The following PLA2G4C variants were observed in gnomAD, a reference collection of about 807,000 sequenced individuals.
PLA2G4C encodes phospholipase A2 group IVC.
In PLA2G4C, 64 loss-of-function variants were observed where a neutral mutation model predicts 73.8. The observed-to-expected ratio is 0.87, with a 90% CI of 0.71 to 1.07. PLA2G4C has a LOEUF of 1.07. Among genes scored for constraint, PLA2G4C ranks in the 50% least tolerant of loss-of-function variants. PLA2G4C has a pLI of 0.00. For missense variants in PLA2G4C, 622 were observed against 665.4 expected (o/e 0.93, Z 0.72); for synonymous variants, 254 against 252.1 (o/e 1.01, Z -0.07).
Position 48,077,780 on chromosome 19 carries a change from G to A in PLA2G4C, c.889C>T (p.Pro297Ser). ...LQESSQGEHP[P>S]PEDEGGEPEH... is the part of the protein sequence containing the mutation. Reference sequence around the variant, plus strand: ...AAAGTAGGATGCTTACCTTCTGGGGGAGGATGTTCCCCTTGTGAACTTTCT... The same window carrying A: ...AAAGTAGGATGCTTACCTTCTGGGGAAGGATGTTCCCCTTGTGAACTTTCT... Residue 297 changes from proline to serine, a missense_variant, in exon 11 of 17, where the codon CCC (proline) becomes TCC (serine). By Grantham distance (74) the Pro-to-Ser change is moderately conservative. Transcript: ENST00000599921. 6.2e-7 allele frequency: 1 copy of A among 1,605,502 alleles called. No homozygotes were observed. Among genetic ancestry groups the A allele is most frequent in the Non-Finnish European group, 8.5e-7 (1 of 1,175,650 alleles).
At chr19:48,094,867 G>GT (rs989199871) in intron 7 of PLA2G4C, among the ~76,000 whole-genome samples, 3 of 148,098 alleles carry the variant, frequency 2.0e-5, no homozygotes, top group Non-Finnish European at 2.9e-5. Context: ...ACACATTCTA[G>GT]TTTTTTGTTT....
chr19:48,084,691 T>C (rs191926306), intron 10 of PLA2G4C, among the ~76,000 whole-genome samples: 3 of 152,358 alleles, frequency 2.0e-5, no homozygotes, highest in Admixed American at 6.5e-5. Flanking sequence ...TGCCTTTATC[T>C]ACCAGACACT....
chr19:48,067,586 G>A (rs1228317254), intron 13 of PLA2G4C, among the ~76,000 whole-genome samples: 2 of 152,122 alleles, frequency 1.3e-5, no homozygotes, highest in African/African-American at 2.4e-5. Context: ...ACTGGGACTC[G>A]CAGCGAGGCC....
At chr19:48,090,634 C>G in intron 7 of PLA2G4C, 1 of 549,896 alleles carries the variant, frequency 1.8e-6, no homozygotes, top group Non-Finnish European at 3.3e-6. Flanking sequence ...AGATAAAGTC[C>G]TTGTCCTCAC....
At chr19:48,096,321 G>A (rs138809362) in intron 6 of PLA2G4C, among the ~76,000 whole-genome samples, 5,024 of 152,202 alleles carry the variant, frequency 0.033, 114 homozygotes, top group Middle Eastern at 0.044. Context: ...GGTGGCTCAC[G>A]TCTGTAATCC....
At chr19:48,076,058 G>T (rs986045826) in intron 11 of PLA2G4C, among the ~76,000 whole-genome samples, 1 of 152,224 alleles carries the variant, frequency 6.6e-6, no homozygotes, top group Non-Finnish European at 1.5e-5. Context: ...TGGGCTTCCA[G>T]CCTCCAGAAC....
chr19:48,092,381 T>C (rs540692605), intron 7 of PLA2G4C, among the ~76,000 whole-genome samples: 20 of 152,276 alleles, frequency 1.3e-4, no homozygotes, highest in African/African-American at 4.8e-4. Context: ...ACCACATACA[T>C]GATCCAGCAA....
rs774866157 is a variant in PLA2G4C at position 48,104,594 on chromosome 19, G to T, written c.251C>A (p.Ser84Tyr). Residue 84 changes from serine to tyrosine, a missense_variant, in exon 4 of 17, where the codon TCC (serine) becomes TAC (tyrosine). Coordinates refer to ENST00000599921, the MANE Select transcript of PLA2G4C (RefSeq NM_003706.3). ...AAACATGAGTGATGCTTACCAAGTGGATCCAGAGACCCCTGCGAGGTACGT... is the reference window on the plus strand; with the variant it reads ...AAACATGAGTGATGCTTACCAAGTGTATCCAGAGACCCCTGCGAGGTACGT... ...AVTYLAGVSG[S>Y]TWAISSLYTN... The T allele has an allele frequency of 6.2e-6, 10 of 1,613,844 alleles. No homozygotes were observed. Among genetic ancestry groups the T allele is most frequent in the Admixed American group, 5.0e-5 (3 of 59,972 alleles).
At position 48,067,698 on chromosome 19, in the gene PLA2G4C, A is replaced by G. The variant is rs11564621; in HGVS notation, c.1102+93T>C. ...CCCTCCAAAGCTCTGGGGAAGGACC[A>G]GCCTGGGATTGTTTCAGGCCCACCC... On this transcript the variant is annotated intron_variant, in intron 13 of 16. Transcript: ENST00000599921. 5,738 of 847,704 alleles carry G rather than the reference A, an allele frequency of 6.8e-3. 252 individuals are homozygous for G. The East Asian group carries it at 0.099, about 15-fold the overall frequency. The allele number at this position is 847,704 out of a possible 1,614,324, so 52.5% of individuals were successfully genotyped here. A position where few individuals can be genotyped will look rare whatever the true frequency, so the allele number is the denominator to read the frequency against.
In PLA2G4C at chr19:48,054,366, C is replaced by T. The variant is rs11564647; in HGVS notation, c.1429+512G>A. 6.6e-5 allele frequency among the ~76,000 whole-genome samples: 10 copies of T among 152,004 alleles called. No individual in the cohort carries two copies. The East Asian group carries it at 1.5e-3, about 23-fold the overall frequency. ...GTCCCCAGGCTGGAGTGCAGGAGCG[C>T]GATCTCAGCTCACTGCAACCTCCGC... On this transcript the variant is annotated intron_variant, in intron 15 of 16. Coordinates refer to ENST00000599921, the MANE Select transcript of PLA2G4C (RefSeq NM_003706.3).
intron 11 of PLA2G4C, among the ~76,000 whole-genome samples, chr19:48,076,757 A>T (rs2030188487): frequency 6.6e-6 from 1 of 151,576 alleles, no homozygotes; most frequent in African/African-American, 2.4e-5. Context: ...AAAAAAAAAG[A>T]AAAAAGAAAA....
Position 48,072,039 on chromosome 19 carries a change from G to A in PLA2G4C, c.1006+2728C>T, listed in dbSNP as rs1172072216. Among the ~76,000 whole-genome samples, 7 of 151,802 alleles carry A rather than the reference G, an allele frequency of 4.6e-5. No homozygotes were observed. In the South Asian group the frequency reaches 6.3e-4, roughly 14 times the overall value. On this transcript the variant is annotated intron_variant, in intron 12 of 16. Coordinates refer to ENST00000599921, the MANE Select transcript of PLA2G4C (RefSeq NM_003706.3). This position sits in a 1 kb window ranked among gnomAD's most constrained non-coding sequence, Gnocchi z 4.4. ...TGCATGCCTGTGGTCCCAGCTACTC[G>A]GGAGGCTGAGGCAGGAGAATCGCTT...
intron 9 of PLA2G4C, among the ~76,000 whole-genome samples, chr19:48,087,710 G>A (rs1229931823): frequency 2.0e-5 from 3 of 152,000 alleles, no homozygotes; most frequent in East Asian, 1.9e-4. Context: ...CGAGGTGGGC[G>A]GATCACCTGA....
intron 10 of PLA2G4C, among the ~76,000 whole-genome samples, chr19:48,078,930 C>T (rs2030354112): frequency 6.8e-6 from 1 of 147,512 alleles, no homozygotes; most frequent in Non-Finnish European, 1.5e-5. Context: ...AGTGCAATGG[C>T]CAATTTTGGC....
chr19:48,103,228 G>A (rs1259360606), intron 4 of PLA2G4C, among the ~76,000 whole-genome samples: 2 of 152,052 alleles, frequency 1.3e-5, no homozygotes, highest in East Asian at 1.9e-4. Context: ...AAATCATGGG[G>A]TTCCTATCTC....
chr19:48,079,148 G>A (rs9710187), intron 10 of PLA2G4C, among the ~76,000 whole-genome samples: 40,153 of 151,982 alleles, frequency 0.26, 5,790 homozygotes, highest in East Asian at 0.52. Context: ...GATTACAGAC[G>A]TGAGCTACCA....
chr19:48,105,784 A>ATACC lies in PLA2G4C; in HGVS notation c.9-344_9-341dup, dbSNP rs1243577989. On this transcript the variant is annotated intron_variant, in intron 2 of 16. Coordinates refer to ENST00000599921, the MANE Select transcript of PLA2G4C (RefSeq NM_003706.3). ...AGACCAGCCTGGCCAACATGGTGAC[A>ATACC]TACCTCCCTCCCTCCCTCCCTCCCT... Among the ~76,000 whole-genome samples, 172 of 118,198 alleles carry ATACC rather than the reference A, an allele frequency of 1.5e-3. 52 individuals are homozygous for ATACC. The highest frequency in any genetic ancestry group is 6.4e-3 in the African/African-American group (155 of 24,148). The allele number at this position is 118,198 out of a possible 152,430, so 77.5% of individuals were successfully genotyped here.
At chr19:48,053,675 CT>C (rs111675708) in intron 15 of PLA2G4C, among the ~76,000 whole-genome samples, 44,634 of 152,054 alleles carry the variant, frequency 0.29, 7,329 homozygotes, top group African/African-American at 0.44. Flanking sequence ...GCCTGGCCCC[CT>C]GCTTCCTGTC....
intron 1 of PLA2G4C, among the ~76,000 whole-genome samples, chr19:48,109,169 C>T (rs1430298406): frequency 6.6e-6 from 1 of 150,600 alleles, no homozygotes; most frequent in African/African-American, 2.4e-5. Context: ...CAAGACCCCC[C>T]TTATGAAATT....
Sources: allele counts gnomAD v4.1 joint callset (sites outside exome capture counted in the v4.1 genomes callset), GRCh38; gene constraint gnomAD v4.1.1; non-coding constraint Gnocchi (gnomAD v3.1); transcripts MANE v1.5; gene names NCBI Gene and HGNC (gene_info 2026-07-23, HGNC 2026-07-21).